OR2L13: variants seen among roughly 807,000 people sequenced by gnomAD.
OR2L13 encodes olfactory receptor family 2 subfamily L member 13.
In OR2L13, 14 loss-of-function variants were observed where a neutral mutation model predicts 15.3. The observed-to-expected ratio is 0.91, with a 90% CI of 0.60 to 1.43. The LOEUF (loss-of-function observed/expected upper bound fraction) is 1.43, where lower values mean the gene tolerates loss of function less well. Ranked by LOEUF, OR2L13 falls within the 40% of genes most tolerant of loss-of-function variation. The pLI is 0.00. For missense variants in OR2L13, 367 were observed against 387.9 expected, an observed-to-expected ratio of 0.95 and a Z score of 0.45; for synonymous variants, 152 against 142.9, an observed-to-expected ratio of 1.06 and a Z score of -0.45.
At chr1:247,979,214 C>A in the OR2L13 span, among the ~76,000 whole-genome samples, 1 of 152,000 alleles carries the variant, frequency 6.6e-6, no homozygotes, top group Non-Finnish European at 1.5e-5. Flanking sequence ...GCATAACGTG[C>A]AGGTTTGTTA....
upstream of OR2L13, among the ~76,000 whole-genome samples, chr1:248,095,473 A>C (rs948472386): frequency 6.6e-6 from 1 of 152,028 alleles, no homozygotes; most frequent in Admixed American, 6.6e-5. Context: ...GTTTTGGTTT[A>C]ATGCAGAGCC....
the OR2L13 span, among the ~76,000 whole-genome samples, chr1:248,018,777 T>G: frequency 6.6e-6 from 1 of 152,178 alleles, no homozygotes; most frequent in African/African-American, 2.4e-5. Context: ...CCAACTAAAA[T>G]TGTGTTCTCC....
At chr1:248,070,723 C>T in the OR2L13 span, among the ~76,000 whole-genome samples, 10 of 151,832 alleles carry the variant, frequency 6.6e-5, no homozygotes, top group African/African-American at 1.9e-4. Flanking sequence ...ATTGATAGAC[C>T]ACTAGCAAGA....
chr1:247,999,192 T>C, the OR2L13 span, among the ~76,000 whole-genome samples: 1 of 152,122 alleles, frequency 6.6e-6, no homozygotes, highest in Non-Finnish European at 1.5e-5. Flanking sequence ...TTCTAGTAAT[T>C]GTAAGAGATA....
At chr1:248,013,275 A>G in the OR2L13 span, among the ~76,000 whole-genome samples, 1 of 152,222 alleles carries the variant, frequency 6.6e-6, no homozygotes, top group African/African-American at 2.4e-5. Context: ...GAATAACAAC[A>G]TAAAAAGTGT....
At chr1:248,003,650 A>C in the OR2L13 span, 1 of 1,611,980 alleles carries the variant, frequency 6.2e-7, no homozygotes, top group Non-Finnish European at 8.5e-7. Context: ...TAGGGTTATC[A>C]ATCATTTCTT....
the OR2L13 span, among the ~76,000 whole-genome samples, chr1:247,941,964 ATGAC>A: frequency 3.3e-3 from 506 of 152,252 alleles, 5 homozygotes; most frequent in African/African-American, 0.012. Flanking sequence ...TTGTGTTACT[ATGAC>A]TGTAGCCTCC....
At chr1:247,967,045 C>CACACACACACACACA in the OR2L13 span, among the ~76,000 whole-genome samples, 45 of 147,510 alleles carry the variant, frequency 3.1e-4, no homozygotes, top group African/African-American at 9.7e-4. Flanking sequence ...ACACCACACA[C>CACACACACACACACA]CACACACACA....
the OR2L13 span, chr1:247,966,172 C>A: frequency 1.9e-6 from 3 of 1,614,094 alleles, no homozygotes; most frequent in Non-Finnish European, 2.5e-6. Context: ...ACACTCCTTG[C>A]GTTCCCCTTC....
At chr1:248,020,636 A>G in the OR2L13 span, among the ~76,000 whole-genome samples, 1 of 152,196 alleles carries the variant, frequency 6.6e-6, no homozygotes. Context: ...GGCAGACATT[A>G]AAAACCAAGA....
the OR2L13 span, chr1:248,029,152 A>G: frequency 6.6e-6 from 1 of 152,210 alleles, no homozygotes; most frequent in African/African-American, 2.4e-5. Context: ...TTTACAACTA[A>G]TTGATCACAA....
the OR2L13 span, among the ~76,000 whole-genome samples, chr1:247,992,935 G>A: frequency 2.6e-5 from 4 of 152,134 alleles, no homozygotes; most frequent in African/African-American, 4.8e-5. Flanking sequence ...TAAGTATTTT[G>A]AGAACTCTTC....
At chr1:248,022,739 G>A in the OR2L13 span, 1 of 1,614,034 alleles carries the variant, frequency 6.2e-7, no homozygotes, top group South Asian at 1.1e-5. Flanking sequence ...CAAGATCCCT[G>A]CGATCTCTGA....
At chr1:248,033,371 C>T in the OR2L13 span, among the ~76,000 whole-genome samples, 2 of 151,868 alleles carry the variant, frequency 1.3e-5, no homozygotes. Context: ...GTTTGCTTGC[C>T]AAAAAAATAT....
the OR2L13 span, among the ~76,000 whole-genome samples, chr1:247,942,856 C>G: frequency 6.6e-6 from 1 of 152,244 alleles, no homozygotes; most frequent in East Asian, 1.9e-4. Context: ...ACACTTTGTT[C>G]TTGTTAAACA....
chr1:248,022,868 C>A, the OR2L13 span: 2 of 1,607,706 alleles, frequency 1.2e-6, no homozygotes, highest in Non-Finnish European at 1.7e-6. Context: ...TTCAGAATAT[C>A]TTCTCGGTGA....
At chr1:248,073,620 G>A in the OR2L13 span, among the ~76,000 whole-genome samples, 1 of 150,676 alleles carries the variant, frequency 6.6e-6, no homozygotes, top group African/African-American at 2.4e-5. Context: ...AAAACTTAAA[G>A]TGTAATAATA....
the OR2L13 span, chr1:247,949,645 C>A: frequency 6.2e-7 from 1 of 1,613,798 alleles, no homozygotes; most frequent in Admixed American, 1.7e-5. Context: ...CGTCCAAGAT[C>A]CCTGCGATCT....
the OR2L13 span, chr1:247,990,627 T>G: frequency 1.9e-6 from 3 of 1,540,944 alleles, no homozygotes; most frequent in Admixed American, 5.0e-5. Flanking sequence ...TGGCCTATGA[T>G]CGTTATGTGG....
Sources: allele counts gnomAD v4.1 joint callset (sites outside exome capture counted in the v4.1 genomes callset), GRCh38; gene constraint gnomAD v4.1.1; transcripts MANE v1.5; gene names NCBI Gene and HGNC (gene_info 2026-07-23, HGNC 2026-07-21).